Variants in DLGAP2 observed in about 807,000 individuals in gnomAD.
DLGAP2 encodes the protein disks large-associated protein 2.
A neutral mutation model predicts 100.3 loss-of-function variants in DLGAP2; 26 were observed. That is an observed-to-expected ratio of 0.26 (90% CI 0.19 to 0.36). The LOEUF (loss-of-function observed/expected upper bound fraction) is 0.36, where lower values mean the gene tolerates loss of function less well. Ranked by LOEUF, DLGAP2 falls within the 10% of genes least tolerant of loss-of-function variation. DLGAP2 has a pLI of 1.00. For synonymous variants in DLGAP2, 886 were observed against 630.1 expected (o/e 1.41, Z -6.08); for missense variants, 1,858 against 1,453.2 (o/e 1.28, Z -4.53).
chr8:1,052,439 G>T (rs138501700), intron 2 of DLGAP2, among the ~76,000 whole-genome samples: 1 of 152,316 alleles, frequency 6.6e-6, no homozygotes, highest in African/African-American at 2.4e-5. Context: ...CATACACTAG[G>T]AATGGGGAAA....
chr8:1,122,945 A>G (rs551214539), intron 2 of DLGAP2, among the ~76,000 whole-genome samples: 8 of 152,352 alleles, frequency 5.3e-5, no homozygotes, highest in Admixed American at 3.3e-4. Flanking sequence ...CTCACACAAC[A>G]GGAGCTTTGG....
chr8:804,251 T>G (rs1400302753), intron 1 of DLGAP2, among the ~76,000 whole-genome samples: 2 of 152,196 alleles, frequency 1.3e-5, no homozygotes, highest in African/African-American at 4.8e-5. Context: ...TTTAGTCCAA[T>G]GATTCTGGGG....
intron 3 of DLGAP2, among the ~76,000 whole-genome samples, chr8:1,425,493 G>A (rs1797213201): frequency 6.6e-6 from 1 of 152,198 alleles, no homozygotes; most frequent in Admixed American, 6.5e-5. Context: ...CACTGTGCTT[G>A]GGTCTTCCCT....
intron 3 of DLGAP2, among the ~76,000 whole-genome samples, chr8:1,352,447 G>C (rs577692545): frequency 6.6e-6 from 1 of 152,202 alleles, no homozygotes; most frequent in East Asian, 1.9e-4. Context: ...CCTTCCTGGG[G>C]TCACCGCTGG....
At chr8:839,325 C>G (rs1796939081) in intron 1 of DLGAP2, among the ~76,000 whole-genome samples, 1 of 152,200 alleles carries the variant, frequency 6.6e-6, no homozygotes, top group African/African-American at 2.4e-5. Context: ...GATATAGAAT[C>G]ATTCTAGATG....
intron 1 of DLGAP2, among the ~76,000 whole-genome samples, chr8:852,970 G>A (rs896212603): frequency 1.3e-5 from 2 of 152,210 alleles, no homozygotes; most frequent in African/African-American, 2.4e-5. Context: ...TTCGCAGATG[G>A]GTCAGACTGG....
At chr8:1,586,787 T>G (rs1796134615) in intron 6 of DLGAP2, among the ~76,000 whole-genome samples, 1 of 152,100 alleles carries the variant, frequency 6.6e-6, no homozygotes, top group Non-Finnish European at 1.5e-5. Context: ...CTGCACAGAG[T>G]GTTGTAAAGA....
At chr8:1,617,302 C>G (rs1021579252) in intron 6 of DLGAP2, among the ~76,000 whole-genome samples, 4 of 152,200 alleles carry the variant, frequency 2.6e-5, no homozygotes, top group Admixed American at 6.5e-5. Context: ...GGATTTGCCA[C>G]TCTGCTTTCC....
chr8:1,210,711 A>G (rs534547807), intron 2 of DLGAP2, among the ~76,000 whole-genome samples: 1 of 152,242 alleles, frequency 6.6e-6, no homozygotes, highest in Non-Finnish European at 1.5e-5. Context: ...GGAAACTGGC[A>G]TAACTGACCC....
intron 3 of DLGAP2, among the ~76,000 whole-genome samples, chr8:1,342,811 C>G (rs1801449524): frequency 6.6e-6 from 1 of 152,166 alleles, no homozygotes; most frequent in African/African-American, 2.4e-5. Context: ...TTTGTCATTT[C>G]TCCTGTGATT....
intron 1 of DLGAP2, among the ~76,000 whole-genome samples, chr8:774,359 C>T (rs1025733144): frequency 2.0e-5 from 3 of 152,138 alleles, no homozygotes; most frequent in African/African-American, 7.2e-5. Context: ...TTAATTAGAT[C>T]CCATTTGTCA....
intron 2 of DLGAP2, among the ~76,000 whole-genome samples, chr8:1,226,169 A>G (rs537142516): frequency 1.3e-5 from 2 of 152,196 alleles, no homozygotes; most frequent in Non-Finnish European, 2.9e-5. Flanking sequence ...ATAAAGATGC[A>G]TGCGCACGTA....
chr8:1,098,516 T>C (rs1434447719), intron 2 of DLGAP2, among the ~76,000 whole-genome samples: 1 of 152,122 alleles, frequency 6.6e-6, no homozygotes, highest in African/African-American at 2.4e-5. Flanking sequence ...CCAGTGTTTG[T>C]TGGGCTTCAG....
intron 2 of DLGAP2, among the ~76,000 whole-genome samples, chr8:1,022,552 G>C (rs116776302): frequency 0.02 from 2,859 of 142,960 alleles, 103 homozygotes; most frequent in African/African-American, 0.072. Flanking sequence ...GGAGTGGACG[G>C]TCACGTGCCG....
intron 5 of DLGAP2, among the ~76,000 whole-genome samples, chr8:1,553,450 C>T (rs1472044853): frequency 5.9e-4 from 90 of 152,228 alleles, no homozygotes; most frequent in East Asian, 1.9e-4. Context: ...CTGTTTTATT[C>T]GGCGTGTTCA....
intron 3 of DLGAP2, among the ~76,000 whole-genome samples, chr8:1,305,242 G>T (rs1466129429): frequency 1.3e-5 from 2 of 152,330 alleles, no homozygotes; most frequent in African/African-American, 4.8e-5. Context: ...ATGTTAGGGA[G>T]TTGTGAAAAT....
Position 1,307,806 on chromosome 8 carries a change from G to A in DLGAP2, c.106+48923G>A, listed in dbSNP as rs140772861. Among the ~76,000 whole-genome samples, 339 of 152,284 alleles carry A rather than the reference G, an allele frequency of 2.2e-3. 3 individuals carry two copies. The highest frequency in any genetic ancestry group is 7.7e-3 in the African/African-American group (320 of 41,554). ...CTGTGATTCCCCTCACATGAGGTACGAAAGCAGTCGAATTCATAAAGACAG... is the reference window on the plus strand; with the variant it reads ...CTGTGATTCCCCTCACATGAGGTACAAAAGCAGTCGAATTCATAAAGACAG... On this transcript the variant is annotated intron_variant, in intron 3 of 14. Coordinates refer to ENST00000637795, the MANE Select transcript of DLGAP2 (RefSeq NM_001346810.2).
intron 2 of DLGAP2, among the ~76,000 whole-genome samples, chr8:1,197,473 T>C (rs759063027): frequency 1.3e-5 from 2 of 152,232 alleles, no homozygotes; most frequent in African/African-American, 4.8e-5. Context: ...TCAAGCACTG[T>C]TTATGTTCCA....
intron 2 of DLGAP2, among the ~76,000 whole-genome samples, chr8:1,065,085 A>C (rs985796593): frequency 9.2e-5 from 14 of 152,310 alleles, no homozygotes; most frequent in African/African-American, 3.4e-4. Flanking sequence ...ATTTCTGAGA[A>C]AATATGTCTC....
Sources: gnomAD v4.1 joint callset for allele counts (sites outside exome capture counted in the v4.1 genomes callset) on GRCh38, gnomAD v4.1.1 for gene constraint, MANE v1.5 for transcripts, NCBI Gene and HGNC (gene_info 2026-07-23, HGNC 2026-07-21) for gene names.